The following LRRC9 variants were observed in gnomAD, a reference collection of about 807,000 sequenced individuals.
LRRC9 encodes leucine-rich repeat-containing protein 9.
LRRC9 carries 122 observed loss-of-function variants against 63.2 expected under a neutral mutation model. The ratio of observed to expected loss-of-function variants is 1.93; its 90% CI spans 1.67 to 2.24. The LOEUF (loss-of-function observed/expected upper bound fraction) is 2.24. LRRC9 is among the 30% of genes most tolerant of loss of function. LRRC9 has a pLI of 0.00. For synonymous variants in LRRC9, 366 were observed against 213.1 expected, an observed-to-expected ratio of 1.72 and a Z score of -6.25; for missense variants, 1,071 against 627.7, an observed-to-expected ratio of 1.71 and a Z score of -7.55.
At chr14:59,960,607 G>C (rs1427522680) in intron 9 of LRRC9, among the ~76,000 whole-genome samples, 1 of 152,146 alleles carries the variant, frequency 6.6e-6, no homozygotes. Context: ...TACGAATATT[G>C]CCATTTTACT....
Position 59,954,605 on chromosome 14 carries a change from A to C in LRRC9, c.883-5213A>C, listed in dbSNP as rs1883529933. 2.0e-5 allele frequency among the ~76,000 whole-genome samples: 3 copies of C among 152,312 alleles called. No individual in the cohort carries two copies. In the South Asian group the frequency reaches 6.2e-4, roughly 32 times the overall value. On this transcript the variant is annotated intron_variant, in intron 8 of 31. Coordinates refer to ENST00000445360, the Ensembl canonical transcript of LRRC9. ...AAATATACAATCATGTCATCTGCAA[A>C]CAGAGACAATTTGACTTCCTGTCTT...
chr14:59,935,968 A>T (rs554793471), intron 6 of LRRC9, among the ~76,000 whole-genome samples: 30 of 152,308 alleles, frequency 2.0e-4, no homozygotes, highest in African/African-American at 6.3e-4. Flanking sequence ...TAGCCATGGC[A>T]CCCTTATGGT....
chr14:60,063,115 G>T (rs2140480441), intron 31 of LRRC9, among the ~76,000 whole-genome samples: 1 of 152,104 alleles, frequency 6.6e-6, no homozygotes, highest in South Asian at 2.1e-4. Flanking sequence ...GGCTGGTCTT[G>T]AACTCCTGAC....
chr14:60,057,762 G>A (rs1354800338), intron 30 of LRRC9, 116 bp from the exon 31 acceptor site: 7 of 446,838 alleles, frequency 1.6e-5, no homozygotes, highest in Admixed American at 6.7e-5. Context: ...AGGCAAGCAG[G>A]TAGCTCCTGA....
In LRRC9 at chr14:60,017,402, G is replaced by A. The variant is rs867743339; in HGVS notation, c.3317+612G>A. 4.6e-5 allele frequency among the ~76,000 whole-genome samples: 7 copies of A among 151,802 alleles called. No individual in the cohort carries two copies. The highest frequency in any genetic ancestry group is 7.4e-5 in the Non-Finnish European group (5 of 67,946). ...AGAACTCTTTTCTGCTAATTTGCTC[G>A]ACAAATACCTATAACTCCTCCAAAT... On this transcript the variant is annotated intron_variant, in intron 24 of 31. Transcript: ENST00000445360. The surrounding 1 kb of genome is among the most constrained non-coding windows in gnomAD (Gnocchi z 4.0).
chr14:60,035,437 G>T (rs1444018033), intron 29 of LRRC9, among the ~76,000 whole-genome samples: 1 of 152,110 alleles, frequency 6.6e-6, no homozygotes, highest in Non-Finnish European at 1.5e-5. Context: ...ATGTCTTGGA[G>T]GATTTCACCA....
In LRRC9 at chr14:60,031,495, G is replaced by A. The variant is rs1402387129; in HGVS notation, c.3922-500G>A. ...CTAATAAATAATGCTATGCAATAGA[G>A]AAGGCAAATTATTTAACATGAGAAA... On this transcript the variant is annotated intron_variant, in intron 28 of 31. Transcript: ENST00000445360. This position sits in a 1 kb window ranked among gnomAD's most constrained non-coding sequence, Gnocchi z 4.6. Among the ~76,000 whole-genome samples, 1 of 152,006 alleles carries A rather than the reference G, an allele frequency of 6.6e-6. No homozygotes were observed.
intron 26 of LRRC9, among the ~76,000 whole-genome samples, chr14:60,021,354 T>G (rs1341062045): frequency 6.6e-6 from 1 of 151,936 alleles, no homozygotes; most frequent in African/African-American, 2.4e-5. Context: ...TTAGGTTGCT[T>G]GGCTTTTCAT....
Position 59,930,972 on chromosome 14 carries a change from A to G in LRRC9, c.322A>G (p.Asn108Asp). The G allele has an allele frequency of 2.2e-6, 1 of 458,612 alleles. No individual in the cohort carries two copies. Among genetic ancestry groups the G allele is most frequent in the Non-Finnish European group, 3.9e-6 (1 of 253,840 alleles). 28.4% of individuals were successfully genotyped at this position (458,612 alleles called of 1,614,324 possible). The stretch of plus-strand genomic sequence containing the variant: ...TTTGGAAAAACTATATTTATATTTT[A>G]ATAAAATTTCCAAAATAGAAAATTT... Residue 108 changes from asparagine (N) to aspartate (D), a missense_variant, in exon 4 of 32, where the codon AAT becomes GAT. Physicochemically the swap from Asn to Asp is conservative, Grantham distance 23. Transcript: ENST00000445360. The surrounding 1 kb of genome is among the most constrained non-coding windows in gnomAD (Gnocchi z 4.9).
rs1884866789 is a variant in LRRC9 at position 59,966,452 on chromosome 14, A to G, written c.1212-137A>G. 1.2e-5 allele frequency: 5 copies of G among 433,566 alleles called. No homozygotes were observed. Among genetic ancestry groups the G allele is most frequent in the Non-Finnish European group, 2.0e-5 (5 of 245,350 alleles). The allele number at this position is 433,566 out of a possible 1,614,324, so 26.9% of individuals were successfully genotyped here. On this transcript the variant is annotated intron_variant, in intron 10 of 31. Transcript: ENST00000445360. This position sits in a 1 kb window ranked among gnomAD's most constrained non-coding sequence, Gnocchi z 4.0. ...AATAAATGAATAAATAAACGGAGCC[A>G]CTATATGATTACTGTATCTTTAGCA... is the stretch of plus-strand genomic sequence containing the variant.
chr14:60,032,017 T>C (rs1220610383), exon 29 of LRRC9: 2 of 700,910 alleles, frequency 2.9e-6, no homozygotes, highest in Non-Finnish European at 2.6e-6. Context: ...CTGGAAAAAC[T>C]TGACGTTATC....
rs150262478 is a variant in LRRC9 at position 59,977,568 on chromosome 14, T to TTGTGTGTGTG, written c.1762+247_1762+256dup. 2.7e-3 allele frequency among the ~76,000 whole-genome samples: 390 copies of TTGTGTGTGTG among 144,604 alleles called. 2 individuals carry two copies. The highest frequency in any genetic ancestry group is 9.5e-3 in the African/African-American group (373 of 39,300). The allele number at this position is 144,604 out of a possible 152,430, so 94.9% of individuals were successfully genotyped here. On this transcript the variant is annotated intron_variant, in intron 14 of 31. Coordinates refer to ENST00000445360, the Ensembl canonical transcript of LRRC9. ...GGCAAATTTTAATGTAATTATGTAT[T>TTGTGTGTGTG]TGTGTGTGTGTGTGTGTGTGTGTGT...
At chr14:59,989,022 T>A (rs1887780464) in intron 17 of LRRC9, among the ~76,000 whole-genome samples, 1 of 152,108 alleles carries the variant, frequency 6.6e-6, no homozygotes, top group South Asian at 2.1e-4. Flanking sequence ...GAATGTATGA[T>A]TTTTTTACCC....
intron 17 of LRRC9, among the ~76,000 whole-genome samples, chr14:59,995,185 G>A (rs1888623925): frequency 6.6e-6 from 1 of 152,142 alleles, no homozygotes; most frequent in Non-Finnish European, 1.5e-5. Context: ...ATCTAAACAA[G>A]ATATCCACAT....
chr14:60,037,781 T>C (rs1179542737), intron 29 of LRRC9, among the ~76,000 whole-genome samples: 2 of 152,198 alleles, frequency 1.3e-5, no homozygotes, highest in Non-Finnish European at 2.9e-5. Context: ...TTAGATCCCA[T>C]TTGTCAATTT....
chr14:59,974,359 C>T (rs1247088173), intron 12 of LRRC9, among the ~76,000 whole-genome samples: 1 of 152,080 alleles, frequency 6.6e-6, no homozygotes, highest in East Asian at 1.9e-4. Flanking sequence ...TTTTGTTCTG[C>T]ATCACCTTTT....
In LRRC9 at chr14:60,031,563, G is replaced by T. The variant is rs58268718; in HGVS notation, c.3922-432G>T. The stretch of plus-strand genomic sequence containing the variant: ...ATATTCCCAGCAAGTACATCAAGAC[G>T]CAATCCACTCAATATTACACATTCC... On this transcript the variant is annotated intron_variant, in intron 28 of 31. Transcript: ENST00000445360. The surrounding 1 kb of genome is among the most constrained non-coding windows in gnomAD (Gnocchi z 4.6). Among the ~76,000 whole-genome samples, 2 of 151,960 alleles carry T rather than the reference G, an allele frequency of 1.3e-5. No individual in the cohort carries two copies. The highest frequency in any genetic ancestry group is 2.9e-5 in the Non-Finnish European group (2 of 67,934).
At chr14:60,065,806 T>G (rs952799325), downstream of LRRC9, among the ~76,000 whole-genome samples, 1 of 151,398 alleles carries the variant, frequency 6.6e-6, no homozygotes, top group African/African-American at 2.4e-5. Context: ...ATTATATAAC[T>G]TGTTTTCATT....
chr14:59,972,820 T>C (rs1885670714), intron 12 of LRRC9, among the ~76,000 whole-genome samples: 1 of 152,162 alleles, frequency 6.6e-6, no homozygotes. Context: ...ATCCATTTTT[T>C]AAAAGTTCCA....
Sources: gnomAD v4.1 joint callset for allele counts (sites outside exome capture counted in the v4.1 genomes callset) on GRCh38, gnomAD v4.1.1 for gene constraint, Gnocchi (gnomAD v3.1) non-coding constraint, MANE v1.5 for transcripts, NCBI Gene and HGNC (gene_info 2026-07-23, HGNC 2026-07-21) for gene names.